Variants in AFF3 observed in about 807,000 individuals in gnomAD.
AFF3 encodes ALF transcription elongation factor 3.
Under a neutral mutation model 129.7 loss-of-function variants are expected in AFF3, and 32 were observed. That is an observed-to-expected ratio of 0.25 (90% CI 0.19 to 0.33). The LOEUF (loss-of-function observed/expected upper bound fraction) is 0.33, where lower values mean the gene tolerates loss of function less well. Among genes scored for constraint, AFF3 ranks in the 10% least tolerant of loss-of-function variants. The pLI, the probability that AFF3 is intolerant of heterozygous loss-of-function variation, is 1.00. For synonymous variants in AFF3, 644 were observed against 635.4 expected, an observed-to-expected ratio of 1.01 and a Z score of -0.20; for missense variants, 1,373 against 1,592.0, an observed-to-expected ratio of 0.86 and a Z score of 2.34.
At chr2:99,780,549 C>T (rs2105375829) in intron 8 of AFF3, among the ~76,000 whole-genome samples, 1 of 152,324 alleles carries the variant, frequency 6.6e-6, no homozygotes, top group Admixed American at 6.5e-5. Flanking sequence ...GAATGCCAAA[C>T]TTGTGCATCT....
chr2:100,052,566 T>G lies in AFF3; in HGVS notation c.54-43634A>C, dbSNP rs189320491. Among the ~76,000 whole-genome samples, 4 of 152,190 alleles carry G rather than the reference T, an allele frequency of 2.6e-5. No homozygotes were observed. The East Asian group carries it at 5.8e-4, about 22-fold the overall frequency. On this transcript the variant is annotated intron_variant, in intron 4 of 24. Transcript: ENST00000672756. The stretch of plus-strand genomic sequence containing the variant: ...CAAACTTTCACACCACCTATACTCC[T>G]TGTCCCCACTCTATGTGCAGGGTCT...
chr2:99,558,011 A>G (rs928824950), intron 22 of AFF3, among the ~76,000 whole-genome samples: 1 of 152,224 alleles, frequency 6.6e-6, no homozygotes, highest in African/African-American at 2.4e-5. Context: ...GCTTTTAAAA[A>G]TTTATTCTCC....
chr2:99,996,717 C>T (rs557390650), intron 7 of AFF3, among the ~76,000 whole-genome samples: 6 of 152,090 alleles, frequency 3.9e-5, no homozygotes, highest in Middle Eastern at 3.4e-3. Context: ...ATTTTTATAA[C>T]GAAGACCTGT....
At chr2:99,699,709 G>A (rs2104762766) in intron 11 of AFF3, among the ~76,000 whole-genome samples, 2 of 152,262 alleles carry the variant, frequency 1.3e-5, no homozygotes, top group South Asian at 4.1e-4. Context: ...TGCAAAACAG[G>A]ATTATGGGCA....
intron 4 of AFF3, among the ~76,000 whole-genome samples, chr2:100,012,861 T>C (rs1371698265): frequency 1.3e-5 from 2 of 152,336 alleles, no homozygotes; most frequent in South Asian, 2.1e-4. Flanking sequence ...TCTTTGTTAC[T>C]AGCAGATGGT....
chr2:100,062,085 T>C (rs963981216), intron 4 of AFF3, among the ~76,000 whole-genome samples: 2 of 152,220 alleles, frequency 1.3e-5, no homozygotes, highest in Non-Finnish European at 2.9e-5. Flanking sequence ...GTAGAATTTA[T>C]GATGGGGATG....
chr2:100,037,425 T>C (rs1210912856), intron 4 of AFF3, among the ~76,000 whole-genome samples: 1 of 132,818 alleles, frequency 7.5e-6, no homozygotes, highest in Non-Finnish European at 1.5e-5. Context: ...TATTTATATA[T>C]AAATATATAT....
intron 8 of AFF3, among the ~76,000 whole-genome samples, chr2:99,827,690 C>CAT (rs762531312): frequency 1.3e-4 from 19 of 151,500 alleles, no homozygotes; most frequent in Non-Finnish European, 1.8e-4. Flanking sequence ...CATATATACA[C>CAT]ATATATATAT....
At chr2:99,730,360 T>C (rs1246729394) in intron 10 of AFF3, among the ~76,000 whole-genome samples, 1 of 152,214 alleles carries the variant, frequency 6.6e-6, no homozygotes, top group African/African-American at 2.4e-5. Context: ...AATGTGGAAT[T>C]CATGCTCTTT....
chr2:99,951,729 TC>T (rs1240210189), intron 7 of AFF3, among the ~76,000 whole-genome samples: 1 of 152,174 alleles, frequency 6.6e-6, no homozygotes, highest in Non-Finnish European at 1.5e-5. Flanking sequence ...CACTGCAACC[TC>T]CGCCTCCCAG....
chr2:99,874,653 G>A (rs1249297310), intron 7 of AFF3, among the ~76,000 whole-genome samples: 1 of 152,134 alleles, frequency 6.6e-6, no homozygotes, highest in Non-Finnish European at 1.5e-5. Flanking sequence ...TGAAATGTAT[G>A]ATTCTGGATC....
Position 100,105,495 on chromosome 2 carries a change from A to C in AFF3, c.-65+9T>G, listed in dbSNP as rs532604330. 3 of 1,328,290 alleles carry C rather than the reference A, an allele frequency of 2.3e-6. No homozygotes were observed. Among genetic ancestry groups the C allele is most frequent in the Non-Finnish European group, 3.0e-6 (3 of 1,003,338 alleles). The allele number at this position is 1,328,290 out of a possible 1,614,324, so 82.3% of individuals were successfully genotyped here. A position where few individuals can be genotyped will look rare whatever the true frequency, so the allele number is the denominator to read the frequency against. On this transcript the variant is annotated intron_variant, in intron 3 of 24. Coordinates refer to ENST00000672756, the MANE Select transcript of AFF3 (RefSeq NM_001386135.1). ...CTGGAAACCAACCTCCTTTCTTTTT[A>C]TTTCTCACCGGGAAGGGGGACAAAC...
intron 8 of AFF3, among the ~76,000 whole-genome samples, chr2:99,831,607 G>A (rs1045676977): frequency 1.1e-4 from 16 of 151,904 alleles, no homozygotes; most frequent in African/African-American, 2.7e-4. Flanking sequence ...CACTGCAATC[G>A]AAAACCTCAT....
At chr2:100,036,264 C>A (rs992793689) in intron 4 of AFF3, among the ~76,000 whole-genome samples, 1 of 151,906 alleles carries the variant, frequency 6.6e-6, no homozygotes, top group African/African-American at 2.4e-5. Flanking sequence ...TCCCAGCCAC[C>A]CCAGGTCCTT....
In AFF3 at chr2:99,931,021, G is replaced by A. The variant is rs1696639622; in HGVS notation, c.873+75611C>T. Among the ~76,000 whole-genome samples, 3 of 152,186 alleles carry A rather than the reference G, an allele frequency of 2.0e-5. 1 individual carries two copies. In the South Asian group the frequency reaches 6.2e-4, roughly 32 times the overall value. On this transcript the variant is annotated intron_variant, in intron 7 of 24. Coordinates refer to ENST00000672756, the MANE Select transcript of AFF3 (RefSeq NM_001386135.1). ...TTAAGGTTCAGAATTGAAATTTACA[G>A]ACCCAGTCTTTGCTTTTTTCAACTC...
chr2:99,819,839 T>A (rs1049016792), intron 8 of AFF3, among the ~76,000 whole-genome samples: 2 of 152,142 alleles, frequency 1.3e-5, no homozygotes, highest in Admixed American at 1.3e-4. Flanking sequence ...ACTGGGAAAC[T>A]CTTGGTTTCT....
At chr2:99,791,202 A>G (rs1185529092) in intron 8 of AFF3, among the ~76,000 whole-genome samples, 1 of 152,184 alleles carries the variant, frequency 6.6e-6, no homozygotes, top group Non-Finnish European at 1.5e-5. Context: ...CAAGATGGAA[A>G]TGTGTTGAAA....
chr2:99,648,902 C>CAT (rs1380342872), intron 13 of AFF3, among the ~76,000 whole-genome samples: 1 of 98,862 alleles, frequency 1.0e-5, no homozygotes, highest in East Asian at 3.4e-4. Flanking sequence ...CACACACACA[C>CAT]ACACACACAC....
chr2:100,020,848 C>T (rs557620653), intron 4 of AFF3, among the ~76,000 whole-genome samples: 2 of 152,272 alleles, frequency 1.3e-5, no homozygotes, highest in East Asian at 3.9e-4. Context: ...CCAGCCCATT[C>T]GCTCCTACCC....
Sources: allele counts gnomAD v4.1 joint callset (sites outside exome capture counted in the v4.1 genomes callset), GRCh38; gene constraint gnomAD v4.1.1; transcripts MANE v1.5; gene names NCBI Gene and HGNC (gene_info 2026-07-23, HGNC 2026-07-21).